Variants in TMEM178B observed in about 807,000 individuals in gnomAD.
The protein encoded by TMEM178B is transmembrane protein 178B.
A neutral mutation model predicts 31.0 loss-of-function variants in TMEM178B; 5 were observed. The ratio of observed to expected loss-of-function variants is 0.16; its 90% CI spans 0.08 to 0.34. TMEM178B has a LOEUF of 0.34. Among genes scored for constraint, TMEM178B ranks in the 10% least tolerant of loss-of-function variants. The pLI, the probability that TMEM178B is intolerant of heterozygous loss-of-function variation, is 1.00. For synonymous variants in TMEM178B, 164 were observed against 164.0 expected, an observed-to-expected ratio of 1.00 and a Z score of 0.00; for missense variants, 275 against 400.3, an observed-to-expected ratio of 0.69 and a Z score of 2.67.
At chr7:141,203,830 ATTT>A (rs1165531962) in intron 1 of TMEM178B, among the ~76,000 whole-genome samples, 2 of 152,138 alleles carry the variant, frequency 1.3e-5, no homozygotes, top group African/African-American at 2.4e-5. Flanking sequence ...CATTGAATAG[ATTT>A]TTGTTTGTTT....
intron 1 of TMEM178B, among the ~76,000 whole-genome samples, chr7:141,186,573 C>G (rs1796612850): frequency 6.6e-6 from 1 of 152,024 alleles, no homozygotes; most frequent in African/African-American, 2.4e-5. Flanking sequence ...TCTTATAGTC[C>G]CCTCTTCACT....
chr7:141,486,000 T>C, the TMEM178B span, among the ~76,000 whole-genome samples: 3 of 152,224 alleles, frequency 2.0e-5, no homozygotes, highest in Non-Finnish European at 4.4e-5. Flanking sequence ...GCAACCTACA[T>C]GTCCATCAAC....
chr7:141,092,076 A>G (rs999773803), intron 1 of TMEM178B, among the ~76,000 whole-genome samples: 1 of 152,182 alleles, frequency 6.6e-6, no homozygotes, highest in African/African-American at 2.4e-5. Context: ...TCTTGTGTCC[A>G]CTGTTATAGC....
At chr7:141,369,315 ACGTG>A (rs1230807696) in intron 2 of TMEM178B, among the ~76,000 whole-genome samples, 164 of 108,864 alleles carry the variant, frequency 1.5e-3, no homozygotes, top group African/African-American at 5.7e-3. Context: ...CTCCGCGCCG[ACGTG>A]TGTGTGTGTG....
intron 1 of TMEM178B, among the ~76,000 whole-genome samples, chr7:141,091,606 G>A (rs555661073): frequency 6.6e-6 from 1 of 152,272 alleles, no homozygotes; most frequent in East Asian, 1.9e-4. Context: ...TTCTTCATAG[G>A]AGATAGATTG....
chr7:141,272,007 C>G (rs1298585451), intron 2 of TMEM178B, among the ~76,000 whole-genome samples: 1 of 152,204 alleles, frequency 6.6e-6, no homozygotes, highest in Admixed American at 6.5e-5. Context: ...GCCTCCTTCT[C>G]TCCATGCTTC....
intron 1 of TMEM178B, among the ~76,000 whole-genome samples, chr7:141,182,394 G>T (rs1010861881): frequency 1.3e-5 from 2 of 152,108 alleles, no homozygotes; most frequent in Non-Finnish European, 2.9e-5. Flanking sequence ...TATTATACTG[G>T]CTTGTTATAC....
At chr7:141,316,789 G>A (rs1214115962) in intron 2 of TMEM178B, among the ~76,000 whole-genome samples, 4 of 152,136 alleles carry the variant, frequency 2.6e-5, no homozygotes, top group African/African-American at 9.7e-5. Context: ...CCTGCAGCTG[G>A]ACATTTTCCT....
rs1276890464 is a variant in TMEM178B at position 141,308,677 on chromosome 7, G to A, written c.496+95973G>A. ...CCACCCCAGTTGGTCTCCTATCACCGTAGAGTAGCTCCCCAAAGAACACAG... is the reference window on the plus strand; with the variant it reads ...CCACCCCAGTTGGTCTCCTATCACCATAGAGTAGCTCCCCAAAGAACACAG... On this transcript the variant is annotated intron_variant, in intron 2 of 3. Coordinates refer to ENST00000565468, the MANE Select transcript of TMEM178B (RefSeq NM_001195278.2). Among the ~76,000 whole-genome samples the A allele has an allele frequency of 3.9e-5, 6 of 152,216 alleles. 1 individual carries two copies. The highest frequency in any genetic ancestry group is 3.9e-4 in the East Asian group (2 of 5,176).
intron 2 of TMEM178B, among the ~76,000 whole-genome samples, chr7:141,295,536 G>A (rs1400624292): frequency 6.6e-6 from 1 of 152,176 alleles, no homozygotes; most frequent in African/African-American, 2.4e-5. Context: ...GGGTCTGGTG[G>A]GTCCCAGATG....
chr7:141,119,168 G>C (rs1795370083), intron 1 of TMEM178B, among the ~76,000 whole-genome samples: 1 of 152,188 alleles, frequency 6.6e-6, no homozygotes, highest in South Asian at 2.1e-4. Flanking sequence ...AGACTGCTGG[G>C]GGACAGAGCA....
chr7:141,317,096 T>C (rs1480129719), intron 2 of TMEM178B, among the ~76,000 whole-genome samples: 1 of 152,148 alleles, frequency 6.6e-6, no homozygotes, highest in Non-Finnish European at 1.5e-5. Context: ...ACATAGACCA[T>C]GTGACTGTGA....
intron 1 of TMEM178B, among the ~76,000 whole-genome samples, chr7:141,210,861 G>C (rs1797042480): frequency 6.6e-6 from 1 of 152,198 alleles, no homozygotes; most frequent in South Asian, 2.1e-4. Context: ...GAGAGTAGGT[G>C]CTGGACTCCA....
chr7:141,483,372 G>A (rs531822698), downstream of TMEM178B, among the ~76,000 whole-genome samples: 124 of 152,140 alleles, frequency 8.2e-4, 3 homozygotes, highest in South Asian at 0.022. Context: ...CTCTTTCCCC[G>A]GGAAGACCAT....
At chr7:141,215,849 T>TTTTC (rs1554463721) in intron 2 of TMEM178B, among the ~76,000 whole-genome samples, 6,523 of 43,128 alleles carry the variant, frequency 0.15, 199 homozygotes, top group Non-Finnish European at 0.26. Context: ...TTTTCTTTTC[T>TTTTC]TTTCTTTCTC....
chr7:141,457,596 A>T (rs1801989047), intron 3 of TMEM178B, among the ~76,000 whole-genome samples: 1 of 152,198 alleles, frequency 6.6e-6, no homozygotes, highest in Non-Finnish European at 1.5e-5. Flanking sequence ...TGCTATGTAG[A>T]TTAAAACTAA....
chr7:141,308,105 G>A (rs1402687695), intron 2 of TMEM178B, among the ~76,000 whole-genome samples: 3 of 152,146 alleles, frequency 2.0e-5, no homozygotes, highest in Non-Finnish European at 4.4e-5. Context: ...TGAAGAAGCC[G>A]GGGAAGGAGG....
chr7:141,327,816 A>G (rs549058553), intron 2 of TMEM178B, among the ~76,000 whole-genome samples: 6 of 152,338 alleles, frequency 3.9e-5, no homozygotes, highest in African/African-American at 1.4e-4. Context: ...AAGATATTCT[A>G]TTAAAGTTGC....
chr7:141,280,213 T>C (rs1391970664), intron 2 of TMEM178B, among the ~76,000 whole-genome samples: 1 of 152,202 alleles, frequency 6.6e-6, no homozygotes, highest in African/African-American at 2.4e-5. Flanking sequence ...TTTTTTTTTT[T>C]CATTGAATGA....
Sources: allele counts gnomAD v4.1 joint callset (sites outside exome capture counted in the v4.1 genomes callset), GRCh38; gene constraint gnomAD v4.1.1; transcripts MANE v1.5; gene names NCBI Gene and HGNC (gene_info 2026-07-23, HGNC 2026-07-21).